The following TTLL7 variants were observed in gnomAD, a reference collection of about 807,000 sequenced individuals.
TTLL7 encodes tubulin tyrosine ligase like 7, also known as tubulin polyglutamylase TTLL7.
TTLL7 carries 53 observed loss-of-function variants against 120.2 expected under a neutral mutation model. The observed-to-expected ratio is 0.44, with a 90% CI of 0.35 to 0.55. The LOEUF (loss-of-function observed/expected upper bound fraction) is 0.55. Ranked by LOEUF, TTLL7 falls within the 20% of genes least tolerant of loss-of-function variation. TTLL7 has a pLI of 0.00. For missense variants in TTLL7, 803 were observed against 1,054.7 expected, an observed-to-expected ratio of 0.76 and a Z score of 3.31; for synonymous variants, 353 against 351.7, an observed-to-expected ratio of 1.00 and a Z score of -0.04.
At chr1:83,941,825 C>G (rs1647998935) in intron 7 of TTLL7, among the ~76,000 whole-genome samples, 1 of 152,068 alleles carries the variant, frequency 6.6e-6, no homozygotes, top group Non-Finnish European at 1.5e-5. Context: ...CAAAAAAAGT[C>G]TTAATGAAAA....
At chr1:83,954,463 G>A (rs941062836) in intron 1 of TTLL7, among the ~76,000 whole-genome samples, 10 of 152,126 alleles carry the variant, frequency 6.6e-5, no homozygotes, top group Non-Finnish European at 1.0e-4. Flanking sequence ...TTGAGATGAC[G>A]GATTTATCCC....
At chr1:83,937,819 G>T in intron 8 of TTLL7, 33 bp downstream of exon 8, 1 of 1,608,200 alleles carries the variant, frequency 6.2e-7, no homozygotes, top group Non-Finnish European at 8.5e-7. Context: ...GCTGAGGAAA[G>T]ACTGTTATAA....
At position 83,991,349 on chromosome 1, in the gene TTLL7, TA is replaced by T. The variant is rs1215402384; in HGVS notation, c.-177+7581del. On this transcript the variant is annotated intron_variant, in intron 1 of 20. Coordinates refer to ENST00000260505, the MANE Select transcript of TTLL7 (RefSeq NM_024686.6). ...AATGTTTAAGATGTTTTTATCACAG[TA>T]AAAAAAATTATACAGCCAGGCATGG... is the stretch of plus-strand genomic sequence containing the variant. 2.6e-5 allele frequency among the ~76,000 whole-genome samples: 4 copies of T among 152,046 alleles called. No homozygotes were observed. In the South Asian group the frequency reaches 6.2e-4, roughly 24 times the overall value.
chr1:83,993,112 C>A (rs1038564263), intron 1 of TTLL7, among the ~76,000 whole-genome samples: 8 of 152,120 alleles, frequency 5.3e-5, no homozygotes, highest in African/African-American at 1.9e-4. Context: ...TACATTATGA[C>A]ATAGTGTTAA....
intron 13 of TTLL7, among the ~76,000 whole-genome samples, chr1:83,918,866 T>C (rs1324485): frequency 0.029 from 4,386 of 152,230 alleles, 88 homozygotes; most frequent in East Asian, 0.06. Context: ...TCTGGACATA[T>C]GTAGGCAGAG....
chr1:83,982,965 G>C (rs1409726754), intron 1 of TTLL7, among the ~76,000 whole-genome samples: 1 of 152,168 alleles, frequency 6.6e-6, no homozygotes, highest in South Asian at 2.1e-4. Flanking sequence ...AAGACCAATG[G>C]AACAGAACAG....
chr1:83,895,716 C>T (rs1165849865), intron 18 of TTLL7, among the ~76,000 whole-genome samples: 3 of 152,042 alleles, frequency 2.0e-5, no homozygotes, highest in Non-Finnish European at 4.4e-5. Flanking sequence ...CCAAGATTAC[C>T]CAGCTCATTG....
At chr1:83,915,541 A>G (rs1338069319) in intron 14 of TTLL7, among the ~76,000 whole-genome samples, 1 of 152,176 alleles carries the variant, frequency 6.6e-6, no homozygotes, top group Non-Finnish European at 1.5e-5. Context: ...TAAAAACCCT[A>G]GAAGAAAACC....
chr1:83,891,163 C>G (rs1655430108), intron 18 of TTLL7, among the ~76,000 whole-genome samples: 1 of 151,500 alleles, frequency 6.6e-6, no homozygotes, highest in African/African-American at 2.4e-5. Context: ...TTAAATATAC[C>G]TTAAGGAAAA....
chr1:83,974,363 G>T (rs992722946), intron 1 of TTLL7, among the ~76,000 whole-genome samples: 2 of 151,862 alleles, frequency 1.3e-5, no homozygotes, highest in Non-Finnish European at 2.9e-5. Flanking sequence ...CAAAGTAAAT[G>T]AATGGGTTAT....
intron 1 of TTLL7, among the ~76,000 whole-genome samples, chr1:83,966,987 A>G (rs1410987105): frequency 2.0e-5 from 3 of 152,086 alleles, no homozygotes; most frequent in African/African-American, 7.2e-5. Context: ...CTGTCTTCCA[A>G]TGTGAAGAAG....
intron 12 of TTLL7, 142 bp from the exon 13 acceptor site, chr1:83,919,976 G>T: frequency 1.7e-6 from 1 of 587,664 alleles, no homozygotes; most frequent in Non-Finnish European, 2.7e-6. Flanking sequence ...ACTGATTAGT[G>T]CAAAATGATA....
chr1:83,888,908 A>ATTC (rs1655198540), intron 19 of TTLL7, among the ~76,000 whole-genome samples: 1 of 152,058 alleles, frequency 6.6e-6, no homozygotes, highest in East Asian at 1.9e-4. Flanking sequence ...AAAACTGGAA[A>ATTC]CAAAAATGCC....
At chr1:83,967,920 G>A (rs1261941784) in intron 1 of TTLL7, among the ~76,000 whole-genome samples, 1 of 151,634 alleles carries the variant, frequency 6.6e-6, no homozygotes, top group East Asian at 1.9e-4. Context: ...TGAAAATGAC[G>A]AAAGGCATAC....
At chr1:83,919,504 T>A (rs1658467704) in intron 13 of TTLL7, among the ~76,000 whole-genome samples, 195 bp downstream of exon 13, 1 of 152,176 alleles carries the variant, frequency 6.6e-6, no homozygotes, top group Non-Finnish European at 1.5e-5. Flanking sequence ...CTCTACTCCA[T>A]AATTTTTCTT....
At chr1:83,948,578 T>C (rs763808313) in intron 5 of TTLL7, 50 bp downstream of exon 5, 7 of 1,163,152 alleles carry the variant, frequency 6.0e-6, no homozygotes, top group South Asian at 3.8e-5. Flanking sequence ...ACAGTAGTTA[T>C]GGTATAAATT....
chr1:83,892,249 T>C (rs1245667754), intron 18 of TTLL7, among the ~76,000 whole-genome samples: 9 of 135,938 alleles, frequency 6.6e-5, no homozygotes, highest in Admixed American at 1.5e-4. Flanking sequence ...AATATATATG[T>C]ATATATGAAT....
chr1:83,969,816 T>C (rs901259947), intron 1 of TTLL7, among the ~76,000 whole-genome samples: 1 of 151,860 alleles, frequency 6.6e-6, no homozygotes, highest in Non-Finnish European at 1.5e-5. Context: ...AAATTGAAAA[T>C]GAAGATCTTT....
intron 9 of TTLL7, among the ~76,000 whole-genome samples, chr1:83,932,775 T>C (rs1659708811): frequency 1.3e-5 from 2 of 152,148 alleles, no homozygotes; most frequent in Non-Finnish European, 2.9e-5. Flanking sequence ...GACTACATCT[T>C]CTACAGCTGT....
Sources: allele counts gnomAD v4.1 joint callset (sites outside exome capture counted in the v4.1 genomes callset), GRCh38; gene constraint gnomAD v4.1.1; transcripts MANE v1.5; gene names NCBI Gene and HGNC (gene_info 2026-07-23, HGNC 2026-07-21).